Variants in NXPE3 observed in about 807,000 individuals in gnomAD.
NXPE3 encodes neurexophilin and PC-esterase domain family member 3.
NXPE3 carries 26 observed loss-of-function variants against 46.1 expected under a neutral mutation model. That is an observed-to-expected ratio of 0.56 (90% CI 0.41 to 0.78). The LOEUF (loss-of-function observed/expected upper bound fraction) is 0.78. NXPE3 is among the 30% of genes least tolerant of loss of function. The pLI is 0.00. For synonymous variants in NXPE3, 272 were observed against 257.9 expected, an observed-to-expected ratio of 1.05 and a Z score of -0.52; for missense variants, 620 against 686.0, an observed-to-expected ratio of 0.90 and a Z score of 1.07.
intron 4 of NXPE3, 73 bp from the exon 5 acceptor site, chr3:101,801,162 C>G (rs1941118896): frequency 1.4e-6 from 2 of 1,443,894 alleles, no homozygotes; most frequent in South Asian, 2.7e-5. Context: ...GTGTGGGGAG[C>G]CCTCTGAATT....
chr3:101,805,732 C>T (rs1004357653), intron 5 of NXPE3, among the ~76,000 whole-genome samples: 4 of 152,134 alleles, frequency 2.6e-5, no homozygotes, highest in Non-Finnish European at 5.9e-5. Context: ...TAAGCCACCA[C>T]GCCCAGTCTG....
chr3:101,798,531 A>G (rs1264217791), intron 4 of NXPE3, among the ~76,000 whole-genome samples: 2 of 74,490 alleles, frequency 2.7e-5, no homozygotes, highest in African/African-American at 4.2e-5. Context: ...GTATATATGT[A>G]TGTATATATG....
Position 101,826,155 on chromosome 3 carries a change from G to C in NXPE3, c.*4201G>C, listed in dbSNP as rs1181529128. On this transcript the variant is annotated 3_prime_UTR_variant, in exon 8 of 8. Coordinates refer to ENST00000273347, the MANE Select transcript of NXPE3 (RefSeq NM_145037.4). ...TATCAATCTGAAAACTTAGTTTGCA[G>C]ATTGGTAAATCAGGGTACTTGACAA... The C allele has an allele frequency of 6.6e-6, 1 of 152,170 alleles. No homozygotes were observed. The highest frequency in any genetic ancestry group is 1.5e-5 in the Non-Finnish European group (1 of 68,026). 9.4% of individuals were successfully genotyped at this position (152,170 alleles called of 1,614,324 possible). A position where few individuals can be genotyped will look rare whatever the true frequency, so the allele number is the denominator to read the frequency against.
At chr3:101,808,178 G>A (rs949224581) in intron 6 of NXPE3, among the ~76,000 whole-genome samples, 1 of 152,160 alleles carries the variant, frequency 6.6e-6, no homozygotes, top group African/African-American at 2.4e-5. Flanking sequence ...ATTTATTGGT[G>A]TAGAATATTA....
chr3:101,811,458 A>T (rs1243494377), intron 6 of NXPE3, among the ~76,000 whole-genome samples: 1 of 152,194 alleles, frequency 6.6e-6, no homozygotes, highest in Non-Finnish European at 1.5e-5. Context: ...CTAGTAGTTG[A>T]CCCATTTTAT....
In NXPE3 at chr3:101,801,221, GTCT is replaced by G. The variant is rs1443147797; in HGVS notation, c.94-5_94-3del. ...TATAGTGGTAATTTCTGTTGTTTGT[GTCT>G]TCTTCTTCAGTACTTGGACCATGAG... On this transcript the variant is annotated splice_polypyrimidine_tract_variant and intron_variant, in intron 4 of 7. Coordinates refer to ENST00000273347, the MANE Select transcript of NXPE3 (RefSeq NM_145037.4). The G allele has an allele frequency of 3.8e-6, 6 of 1,587,864 alleles. No individual in the cohort carries two copies. The highest frequency in any genetic ancestry group is 1.3e-5 in the African/African-American group (1 of 74,162).
chr3:101,820,473 C>T (rs1325707810), intron 7 of NXPE3, among the ~76,000 whole-genome samples: 2 of 152,156 alleles, frequency 1.3e-5, no homozygotes, highest in South Asian at 4.1e-4. Context: ...TATGGTGATT[C>T]CTCAAAGAGC....
At chr3:101,798,338 A>C (rs574440170) in intron 4 of NXPE3, among the ~76,000 whole-genome samples, 2 of 152,086 alleles carry the variant, frequency 1.3e-5, no homozygotes, top group Non-Finnish European at 2.9e-5. Context: ...TATCCAGCAC[A>C]TAAGTGATCA....
At chr3:101,819,410 AGAAAAGG>A (rs1942146408) in intron 7 of NXPE3, among the ~76,000 whole-genome samples, 1 of 152,256 alleles carries the variant, frequency 6.6e-6, no homozygotes, top group Non-Finnish European at 1.5e-5. Flanking sequence ...ACTTAGAGGG[AGAAAAGG>A]GAATTTTTAA....
chr3:101,799,577 C>T (rs1247907729), intron 4 of NXPE3, among the ~76,000 whole-genome samples: 1 of 152,024 alleles, frequency 6.6e-6, no homozygotes, highest in African/African-American at 2.4e-5. Context: ...AGGCGCCTGC[C>T]ACCACACTCA....
chr3:101,806,765 A>C (rs1941436995), intron 5 of NXPE3, among the ~76,000 whole-genome samples: 1 of 152,210 alleles, frequency 6.6e-6, no homozygotes, highest in Non-Finnish European at 1.5e-5. Flanking sequence ...GTCCAAGGGG[A>C]GTACATAATT....
chr3:101,816,663 G>T, intron 6 of NXPE3, 132 bp from the exon 7 acceptor site: 3 of 699,434 alleles, frequency 4.3e-6, no homozygotes, highest in Non-Finnish European at 4.7e-6. Context: ...GGGATTTGAG[G>T]TCTGACAGCA....
Position 101,822,248 on chromosome 3 carries a change from C to T in NXPE3, c.*294C>T. ...ATGAGTGTATTTGAATTAGCTTCTC[C>T]TAGGAGGGGTGACTACTTTGCTAAA... On this transcript the variant is annotated 3_prime_UTR_variant, in exon 8 of 8. Coordinates refer to ENST00000273347, the MANE Select transcript of NXPE3 (RefSeq NM_145037.4). The T allele has an allele frequency of 3.1e-6, 1 of 323,488 alleles. No individual in the cohort carries two copies. Among genetic ancestry groups the T allele is most frequent in the Non-Finnish European group, 5.7e-6 (1 of 174,222 alleles). 20.0% of individuals were successfully genotyped at this position (323,488 alleles called of 1,614,324 possible).
intron 6 of NXPE3, among the ~76,000 whole-genome samples, chr3:101,811,383 C>T (rs1190870532): frequency 6.6e-6 from 1 of 152,180 alleles, no homozygotes; most frequent in Non-Finnish European, 1.5e-5. Context: ...TTCCAGGACC[C>T]TAGCATGCGC....
At chr3:101,794,909 G>A (rs1406784030) in intron 4 of NXPE3, among the ~76,000 whole-genome samples, 2 of 152,176 alleles carry the variant, frequency 1.3e-5, no homozygotes, top group African/African-American at 4.8e-5. Context: ...GAGAAGGCAG[G>A]TATCAATATT....
intron 4 of NXPE3, among the ~76,000 whole-genome samples, chr3:101,787,027 A>G (rs1940226466): frequency 6.6e-6 from 1 of 152,078 alleles, no homozygotes; most frequent in African/African-American, 2.4e-5. Context: ...GTTCAAGACC[A>G]GCCTGGTCAA....
chr3:101,784,885 G>A (rs1201620193), intron 3 of NXPE3, among the ~76,000 whole-genome samples: 1 of 152,200 alleles, frequency 6.6e-6, no homozygotes, highest in Middle Eastern at 3.2e-3. Flanking sequence ...AACCTAAAGA[G>A]TGTGTCGCGT....
chr3:101,817,655 C>T (rs998512978), intron 7 of NXPE3, among the ~76,000 whole-genome samples: 1 of 152,066 alleles, frequency 6.6e-6, no homozygotes, highest in African/African-American at 2.4e-5. Flanking sequence ...CCCACCCCTT[C>T]TTCACAAGGG....
chr3:101,787,856 T>A (rs1205230779), intron 4 of NXPE3, among the ~76,000 whole-genome samples: 1 of 152,256 alleles, frequency 6.6e-6, no homozygotes, highest in Non-Finnish European at 1.5e-5. Context: ...CTTTTGGCTA[T>A]AATGGATAAC....
Sources: allele counts gnomAD v4.1 joint callset (sites outside exome capture counted in the v4.1 genomes callset), GRCh38; gene constraint gnomAD v4.1.1; transcripts MANE v1.5; gene names NCBI Gene and HGNC (gene_info 2026-07-23, HGNC 2026-07-21).